ZNF862: variants seen among roughly 807,000 people sequenced by gnomAD.
ZNF862 encodes the protein zinc finger protein 862.
ZNF862 carries 64 observed loss-of-function variants against 91.1 expected under a neutral mutation model. The ratio of observed to expected loss-of-function variants is 0.70; its 90% CI spans 0.57 to 0.87. ZNF862 has a LOEUF of 0.87. Ranked by LOEUF, ZNF862 falls within the 40% of genes least tolerant of loss-of-function variation. ZNF862 has a pLI of 0.00. For missense variants in ZNF862, 1,459 were observed against 1,528.0 expected, an observed-to-expected ratio of 0.95 and a Z score of 0.75; for synonymous variants, 631 against 618.1, an observed-to-expected ratio of 1.02 and a Z score of -0.31.
rs968640598 is a variant in ZNF862 at position 149,855,518 on chromosome 7, G to A, written c.1118-3904G>A. On this transcript the variant is annotated intron_variant, in intron 5 of 7. Coordinates refer to ENST00000223210, the MANE Select transcript of ZNF862 (RefSeq NM_001099220.3). The surrounding 1 kb of genome is among the most constrained non-coding windows in gnomAD (Gnocchi z 4.1). Reference sequence around the variant, plus strand: ...GGTGGGTGGGAGAGGTATAAGAAAGGTTTCATTTGACATGTAATCTGACAC... The same window carrying A: ...GGTGGGTGGGAGAGGTATAAGAAAGATTTCATTTGACATGTAATCTGACAC... 4.6e-5 allele frequency among the ~76,000 whole-genome samples: 7 copies of A among 152,160 alleles called. No individual in the cohort carries two copies. The highest frequency in any genetic ancestry group is 1.4e-4 in the African/African-American group (6 of 41,418).
In ZNF862 at chr7:149,862,281, C is replaced by CG; in HGVS notation, c.3126dup (p.Phe1043ValfsTer11). ...GCCCATCTCCACCTCTTGCTGTGAG[C>CG]GGGGGTTCAAGGCCATGAACCGAAT... On this transcript the variant is annotated frameshift_variant, in exon 7 of 8. Coordinates refer to ENST00000223210, the MANE Select transcript of ZNF862 (RefSeq NM_001099220.3). LOFTEE classifies it high-confidence loss of function. 1 of 1,613,606 alleles carries CG rather than the reference C, an allele frequency of 6.2e-7. No individual in the cohort carries two copies. The highest frequency in any genetic ancestry group is 8.5e-7 in the Non-Finnish European group (1 of 1,179,784).
At position 149,838,432 on chromosome 7, in the gene ZNF862, C is replaced by T. The variant is rs1801592011; in HGVS notation, c.-180C>T. 2.5e-6 allele frequency: 1 copy of T among 406,188 alleles called. No homozygotes were observed. Among genetic ancestry groups the T allele is most frequent in the Non-Finnish European group, 4.3e-6 (1 of 233,954 alleles). The allele number at this position is 406,188 out of a possible 1,614,324, so 25.2% of individuals were successfully genotyped here. A position where few individuals can be genotyped will look rare whatever the true frequency, so the allele number is the denominator to read the frequency against. ...CAAGTCTCAGCTCAGCGCGCTTATC[C>T]TGGGTCCACCGGCGCTACCGCCCCC... On this transcript the variant is annotated 5_prime_UTR_variant, in exon 1 of 8. Coordinates refer to ENST00000223210, the MANE Select transcript of ZNF862 (RefSeq NM_001099220.3).
chr7:149,854,956 T>A (rs1230414655), intron 5 of ZNF862, among the ~76,000 whole-genome samples: 1 of 152,230 alleles, frequency 6.6e-6, no homozygotes, highest in Non-Finnish European at 1.5e-5. Context: ...GTGTGACCTC[T>A]CATCCTGTTC....
At chr7:149,846,312 GC>G in intron 3 of ZNF862, 57 bp downstream of exon 3, 1 of 1,358,392 alleles carries the variant, frequency 7.4e-7, no homozygotes, top group Non-Finnish European at 1.0e-6. Context: ...AGCATGGGCA[GC>G]CCCAGGACTC....
Position 149,859,539 on chromosome 7 carries a change from C to T in ZNF862, c.1222+13C>T. Reference sequence around the variant, plus strand: ...GGTCGTCCTCCAGGTGAGTGTAAACCTACAGCATTCTGAAGGACATGTGCC... The same window carrying T: ...GGTCGTCCTCCAGGTGAGTGTAAACTTACAGCATTCTGAAGGACATGTGCC... On this transcript the variant is annotated intron_variant, in intron 6 of 7. Transcript: ENST00000223210. 6.5e-7 allele frequency: 1 copy of T among 1,547,662 alleles called. No homozygotes were observed. The highest frequency in any genetic ancestry group is 1.2e-5 in the South Asian group (1 of 83,416).
Position 149,841,484 on chromosome 7 carries a change from C to T in ZNF862, c.24+2849C>T, listed in dbSNP as rs137937876. The T allele has an allele frequency of 9.5e-3, 9,307 of 977,710 alleles. 59 individuals carry two copies. Among genetic ancestry groups the T allele is most frequent in the Middle Eastern group, 0.011 (20 of 1,894 alleles). 60.6% of individuals were successfully genotyped at this position (977,710 alleles called of 1,614,324 possible). A position where few individuals can be genotyped will look rare whatever the true frequency, so the allele number is the denominator to read the frequency against. On this transcript the variant is annotated intron_variant, in intron 1 of 7. Transcript: ENST00000223210. ...ATTCTCATGTTCATTTATTTATTTA[C>T]GTATTTGTTGACTTGACTCTTACAT...
At position 149,860,321 on chromosome 7, in the gene ZNF862, G is replaced by A; in HGVS notation, c.1223-62G>A. 3 of 1,481,198 alleles carry A rather than the reference G, an allele frequency of 2.0e-6. No individual in the cohort carries two copies. The South Asian group carries it at 3.9e-5, about 19-fold the overall frequency. The allele number at this position is 1,481,198 out of a possible 1,614,324, so 91.8% of individuals were successfully genotyped here. ...ACTTATTAAATTTGGGGGTGTCTTA[G>A]CTGATAGAAGATGGCAGAGTTCTGG... is the stretch of plus-strand genomic sequence containing the variant. On this transcript the variant is annotated intron_variant, in intron 6 of 7. Transcript: ENST00000223210.
At chr7:149,841,029 G>C in intron 1 of ZNF862, 2 of 985,292 alleles carry the variant, frequency 2.0e-6, no homozygotes, top group Non-Finnish European at 2.4e-6. Flanking sequence ...TTGATTTTAG[G>C]GTATCTCAGA....
chr7:149,862,036 T>C lies in ZNF862; in HGVS notation c.2876T>C (p.Ile959Thr). ...GACACCATGGCCTGGCCAAGTGGGA[T>C]TGAACTTGCCAGTTTTGGGAATGAT... ...VFDTMAWPSG[I>T]ELASFGNDDI... Residue 959 changes from isoleucine (I) to threonine (T), a missense_variant, in exon 7 of 8, where the codon ATT becomes ACT. Transcript: ENST00000223210. 6.2e-7 allele frequency: 1 copy of C among 1,613,754 alleles called. No individual in the cohort carries two copies. The highest frequency in any genetic ancestry group is 2.2e-5 in the East Asian group (1 of 44,852).
intron 4 of ZNF862, among the ~76,000 whole-genome samples, chr7:149,849,010 A>G (rs1801972349): frequency 6.6e-6 from 1 of 152,164 alleles, no homozygotes; most frequent in Non-Finnish European, 1.5e-5. Flanking sequence ...TATATTGCCC[A>G]GGCTGGTCTT....
chr7:149,846,241 T>C lies in ZNF862; in HGVS notation c.227T>C (p.Leu76Pro). ...AGCGTCCAGGGCCAGAGGAGCCTTC[T>C]GGAGCATCACCCAGGTGAGTGTGGA... The part of the protein sequence containing the change: ...LGSVQGQRSL[L>P]EHHPGKKQMG... The change falls in exon 3 of 8, where the codon CTG becomes CCG. Residue 76 changes from leucine to proline, a missense_variant. Physicochemically the swap from Leu to Pro is moderately conservative, Grantham distance 98. Transcript: ENST00000223210. 1 of 1,613,572 alleles carries C rather than the reference T, an allele frequency of 6.2e-7. No homozygotes were observed. Among genetic ancestry groups the C allele is most frequent in the African/African-American group, 1.3e-5 (1 of 75,034 alleles).
chr7:149,842,824 C>T (rs538467946), intron 1 of ZNF862, among the ~76,000 whole-genome samples: 6 of 152,340 alleles, frequency 3.9e-5, no homozygotes, highest in South Asian at 2.1e-4. Context: ...TGCTTCCCCA[C>T]GTTGGCTGTC....
At position 149,846,068 on chromosome 7, in the gene ZNF862, A is replaced by ACCTC. The variant is rs1294436908; in HGVS notation, c.137-81_137-78dup. 6.4e-6 allele frequency: 6 copies of ACCTC among 943,974 alleles called. No homozygotes were observed. In the Admixed American group the frequency reaches 1.3e-4, roughly 20 times the overall value. The allele number at this position is 943,974 out of a possible 1,614,324, so 58.5% of individuals were successfully genotyped here. ...ATGCCGAGAGATGTCGCAGACAGAT[A>ACCTC]CCTCCTTCGTGTTGTGACCCGGAGC... On this transcript the variant is annotated intron_variant, in intron 2 of 7. Coordinates refer to ENST00000223210, the MANE Select transcript of ZNF862 (RefSeq NM_001099220.3).
intron 6 of ZNF862, 137 bp downstream of exon 6, chr7:149,859,663 A>G (rs752451097): frequency 7.4e-6 from 5 of 679,824 alleles, no homozygotes; most frequent in Non-Finnish European, 1.2e-5. Flanking sequence ...GGCCCTGGGT[A>G]GACAAGATGA....
chr7:149,838,777 C>T, intron 1 of ZNF862, 142 bp downstream of exon 1: 1 of 539,206 alleles, frequency 1.9e-6, no homozygotes, highest in Non-Finnish European at 2.8e-6. Context: ...CCCTCTCTTC[C>T]CGCACTTCGG....
intron 5 of ZNF862, among the ~76,000 whole-genome samples, chr7:149,853,388 CCTT>C (rs1245410156): frequency 6.6e-6 from 1 of 152,178 alleles, no homozygotes; most frequent in Non-Finnish European, 1.5e-5. Flanking sequence ...TATGTGCCCT[CCTT>C]CTTTTTCCAT....
Position 149,855,771 on chromosome 7 carries a change from T to G in ZNF862, c.1118-3651T>G, listed in dbSNP as rs1170920999. On this transcript the variant is annotated intron_variant, in intron 5 of 7. Coordinates refer to ENST00000223210, the MANE Select transcript of ZNF862 (RefSeq NM_001099220.3). This position sits in a 1 kb window ranked among gnomAD's most constrained non-coding sequence, Gnocchi z 4.1. The stretch of plus-strand genomic sequence containing the variant: ...CAGACAACGCCAGGCCTCTTCTCAT[T>G]CCCCATGTGGCCCACATCTGAACCA... Among the ~76,000 whole-genome samples the G allele has an allele frequency of 6.6e-6, 1 of 152,068 alleles. No individual in the cohort carries two copies. The highest frequency in any genetic ancestry group is 1.5e-5 in the Non-Finnish European group (1 of 68,006).
chr7:149,853,137 G>C (rs1163969229), intron 5 of ZNF862, among the ~76,000 whole-genome samples: 2 of 152,122 alleles, frequency 1.3e-5, no homozygotes, highest in Admixed American at 1.3e-4. Context: ...TGCCCAGTCA[G>C]GACTGAAACT....
At position 149,861,800 on chromosome 7, in the gene ZNF862, G is replaced by T; in HGVS notation, c.2640G>T (p.Glu880Asp). The T allele has an allele frequency of 6.2e-7, 1 of 1,613,672 alleles. No homozygotes were observed. Among genetic ancestry groups the T allele is most frequent in the Admixed American group, 1.7e-5 (1 of 60,034 alleles). Reference protein sequence around the residue: ...ATLGRAYVALESLRHQAGPKE... With the variant: ...ATLGRAYVALDSLRHQAGPKE... ...TGGGCCGCGCCTACGTGGCACTGGAGAGCCTCCGTCACCAGGCAGGGCCCA... is the reference window on the plus strand; with the variant it reads ...TGGGCCGCGCCTACGTGGCACTGGATAGCCTCCGTCACCAGGCAGGGCCCA... The change falls in exon 7 of 8, where the codon GAG becomes GAT. Residue 880 changes from glutamate to aspartate, a missense_variant. Physicochemically the swap from Glu to Asp is conservative, Grantham distance 45. Transcript: ENST00000223210. This position sits in a 1 kb window ranked among gnomAD's most constrained non-coding sequence, Gnocchi z 6.7.
Sources: allele counts gnomAD v4.1 joint callset (sites outside exome capture counted in the v4.1 genomes callset), GRCh38; gene constraint gnomAD v4.1.1; non-coding constraint Gnocchi (gnomAD v3.1); transcripts MANE v1.5; gene names NCBI Gene and HGNC (gene_info 2026-07-23, HGNC 2026-07-21).